TMEM230: variants seen among roughly 807,000 people sequenced by gnomAD.
TMEM230 encodes the protein UPF0414 transmembrane protein C20orf30.
A neutral mutation model predicts 15.8 loss-of-function variants in TMEM230; 10 were observed. The ratio of observed to expected loss-of-function variants is 0.63; its 90% CI spans 0.39 to 1.07. The LOEUF (loss-of-function observed/expected upper bound fraction) is 1.07. Among genes scored for constraint, TMEM230 ranks in the 50% least tolerant of loss-of-function variants. TMEM230 has a pLI of 0.01. For missense variants in TMEM230, 165 were observed against 193.3 expected (o/e 0.85, Z 0.87); for synonymous variants, 67 against 76.9 (o/e 0.87, Z 0.68).
chr20:5,084,902 T>A (rs1479212051), intron 3 of TMEM230, among the ~76,000 whole-genome samples: 4 of 152,234 alleles, frequency 2.6e-5, no homozygotes, highest in African/African-American at 9.6e-5. Context: ...CAACATAACA[T>A]CTCTGGTGAC....
At chr20:5,105,816 A>G (rs2090053377) in intron 4 of TMEM230, among the ~76,000 whole-genome samples, 1 of 151,802 alleles carries the variant, frequency 6.6e-6, no homozygotes. Flanking sequence ...AGGCAGGCAG[A>G]CTGCTTGACC....
intron 3 of TMEM230, among the ~76,000 whole-genome samples, chr20:5,085,244 C>T (rs1292721025): frequency 6.6e-6 from 1 of 151,850 alleles, no homozygotes; most frequent in Admixed American, 6.6e-5. Context: ...TCCAATTCTC[C>T]TGTTCCATTT....
intron 3 of TMEM230, among the ~76,000 whole-genome samples, chr20:5,085,587 C>T (rs1448455187): frequency 6.6e-6 from 1 of 152,098 alleles, no homozygotes; most frequent in African/African-American, 2.4e-5. Context: ...CGCCTGGCTT[C>T]CTGAATCTTT....
Position 5,112,852 on chromosome 20 carries a change from G to A in TMEM230, c.68+109C>T, listed in dbSNP as rs565123586. The stretch of plus-strand genomic sequence containing the variant: ...GCCAACTGTGCCAGGGGGGACGAAT[G>A]CCCCACACGGATGACTCGGAGCTTG... On this transcript the variant is annotated intron_variant, in intron 1 of 4. Transcript: ENST00000342308. 3.4e-5 allele frequency: 53 copies of A among 1,544,876 alleles called. No homozygotes were observed. In the East Asian group the frequency reaches 7.8e-4, roughly 23 times the overall value.
intron 3 of TMEM230, among the ~76,000 whole-genome samples, chr20:5,090,222 C>T (rs1343075603): frequency 6.6e-6 from 1 of 152,028 alleles, no homozygotes; most frequent in Non-Finnish European, 1.5e-5. Context: ...TCAGAAAATT[C>T]CCTAACACTA....
intron 3 of TMEM230, among the ~76,000 whole-genome samples, chr20:5,073,679 G>A (rs887306876): frequency 1.1e-4 from 16 of 152,200 alleles, no homozygotes; most frequent in African/African-American, 3.4e-4. Flanking sequence ...ACTGAACAAC[G>A]GCTTCCTCTC....
intron 4 of TMEM230, among the ~76,000 whole-genome samples, chr20:5,101,886 G>C (rs1008101556): frequency 6.6e-6 from 1 of 152,218 alleles, no homozygotes; most frequent in African/African-American, 2.4e-5. Context: ...CAAACCTACT[G>C]TAAGAAGGAA....
At chr20:5,065,233 C>A (rs59181509), downstream of TMEM230, among the ~76,000 whole-genome samples, 882 of 151,884 alleles carry the variant, frequency 5.8e-3, 10 homozygotes, top group African/African-American at 0.02. Flanking sequence ...GCCTAGGCAA[C>A]ATGGCAAGAC....
Position 5,099,932 on chromosome 20 carries a change from C to A in TMEM230, c.*859G>T. On this transcript the variant is annotated 3_prime_UTR_variant, in exon 5 of 5. Coordinates refer to ENST00000342308, the MANE Select transcript of TMEM230 (RefSeq NM_001009923.2). ...TGGAATATAAGTCACTTTTTGCAAG[C>A]TAAAAAATAGAATCAAACTAAGGTG... 1.0e-6 allele frequency: 1 copy of A among 985,188 alleles called. No individual in the cohort carries two copies. Among genetic ancestry groups the A allele is most frequent in the Non-Finnish European group, 1.2e-6 (1 of 829,798 alleles). The allele number at this position is 985,188 out of a possible 1,614,324, so 61.0% of individuals were successfully genotyped here.
At chr20:5,094,399 C>T (rs1192070622) in intron 3 of TMEM230, among the ~76,000 whole-genome samples, 1 of 151,770 alleles carries the variant, frequency 6.6e-6, no homozygotes, top group Non-Finnish European at 1.5e-5. Context: ...CACCACCACA[C>T]CTGGCTAATT....
chr20:5,101,898 T>C (rs537715600), intron 4 of TMEM230, among the ~76,000 whole-genome samples: 6 of 152,374 alleles, frequency 3.9e-5, no homozygotes, highest in Admixed American at 6.5e-5. Flanking sequence ...AAGAAGGAAC[T>C]GACTTACGAG....
the TMEM230 span, among the ~76,000 whole-genome samples, chr20:5,060,273 A>G: frequency 6.7e-6 from 1 of 150,200 alleles, no homozygotes; most frequent in East Asian, 2.0e-4. Flanking sequence ...CCCAAATAAT[A>G]TAGGTTCTTC....
intron 3 of TMEM230, among the ~76,000 whole-genome samples, chr20:5,078,133 C>G (rs978071999): frequency 1.3e-5 from 2 of 152,198 alleles, no homozygotes; most frequent in South Asian, 4.1e-4. Context: ...CAATTAGACA[C>G]AGCCAAAGAT....
intron 3 of TMEM230, among the ~76,000 whole-genome samples, chr20:5,083,285 ATTTTTTT>A (rs71197748): frequency 8.3e-5 from 10 of 119,930 alleles, no homozygotes; most frequent in Admixed American, 1.7e-4. Flanking sequence ...GGTTAGGGAG[ATTTTTTT>A]TTTTTTTTTT....
intron 4 of TMEM230, among the ~76,000 whole-genome samples, chr20:5,101,545 C>T (rs1157142848): frequency 6.6e-6 from 1 of 152,016 alleles, no homozygotes; most frequent in Non-Finnish European, 1.5e-5. Flanking sequence ...CCTCAGCCTC[C>T]AAGTAGCTGG....
At chr20:5,079,303 T>C (rs2089106478) in intron 3 of TMEM230, among the ~76,000 whole-genome samples, 1 of 152,204 alleles carries the variant, frequency 6.6e-6, no homozygotes, top group Admixed American at 6.5e-5. Context: ...TGTCATTTAA[T>C]ATCAAAGAGG....
intron 2 of TMEM230, among the ~76,000 whole-genome samples, chr20:5,110,012 G>A (rs557819333): frequency 1.3e-5 from 2 of 152,300 alleles, no homozygotes; most frequent in East Asian, 1.9e-4. Flanking sequence ...CAAAAGATCT[G>A]TAAAGTTTCT....
chr20:5,097,250 C>T (rs1280781357), downstream of TMEM230, among the ~76,000 whole-genome samples: 1 of 152,174 alleles, frequency 6.6e-6, no homozygotes, highest in East Asian at 1.9e-4. Context: ...CAATTCCTGG[C>T]AGAACAGAAG....
intron 1 of TMEM230, among the ~76,000 whole-genome samples, chr20:5,112,053 C>T (rs1386060108): frequency 6.6e-6 from 1 of 152,180 alleles, no homozygotes; most frequent in Non-Finnish European, 1.5e-5. Context: ...ACCATATTGG[C>T]CAGGCTGGTC....
Sources: allele counts gnomAD v4.1 joint callset (sites outside exome capture counted in the v4.1 genomes callset), GRCh38; gene constraint gnomAD v4.1.1; transcripts MANE v1.5; gene names NCBI Gene and HGNC (gene_info 2026-07-23, HGNC 2026-07-21).